The following MTUS2 variants were observed in gnomAD, a reference collection of about 807,000 sequenced individuals.
The protein encoded by MTUS2 is microtubule-associated tumor suppressor candidate 2.
In MTUS2, 40 loss-of-function variants were observed where a neutral mutation model predicts 114.1. The observed-to-expected ratio is 0.35, with a 90% CI of 0.27 to 0.46. The LOEUF (loss-of-function observed/expected upper bound fraction) is 0.46. Among genes scored for constraint, MTUS2 ranks in the 20% least tolerant of loss-of-function variants. The probability of loss-of-function intolerance (pLI) is 1.00; values close to 1 mark genes in which losing one functional copy is unlikely to be tolerated. For missense variants in MTUS2, 1,679 were observed against 1,705.4 expected (o/e 0.98, Z 0.27); for synonymous variants, 688 against 672.0 (o/e 1.02, Z -0.37).
At chr13:29,144,538 A>G (rs1243203190) in intron 5 of MTUS2, among the ~76,000 whole-genome samples, 1 of 151,952 alleles carries the variant, frequency 6.6e-6, no homozygotes, top group Admixed American at 6.6e-5. Context: ...TCAAGAATCC[A>G]TTTTTTATGG....
intron 7 of MTUS2, among the ~76,000 whole-genome samples, chr13:29,353,318 T>C (rs1157165931): frequency 6.6e-6 from 1 of 152,156 alleles, no homozygotes; most frequent in Non-Finnish European, 1.5e-5. Flanking sequence ...TACAGGCACA[T>C]GCCACCACAC....
intron 2 of MTUS2, among the ~76,000 whole-genome samples, chr13:29,002,355 T>A (rs1203169530): frequency 2.0e-5 from 3 of 152,236 alleles, no homozygotes; most frequent in African/African-American, 7.2e-5. Context: ...GTACAGTATA[T>A]GTTTTCTGCT....
intron 7 of MTUS2, among the ~76,000 whole-genome samples, chr13:29,333,661 C>G (rs1313066774): frequency 2.6e-5 from 4 of 152,138 alleles, no homozygotes; most frequent in African/African-American, 9.7e-5. Flanking sequence ...AATGTATATT[C>G]TGTTGATTTG....
intron 4 of MTUS2, among the ~76,000 whole-genome samples, chr13:29,093,158 G>A (rs572993037): frequency 1.3e-5 from 2 of 152,260 alleles, no homozygotes; most frequent in East Asian, 1.9e-4. Flanking sequence ...AAACTATGGA[G>A]TATTGGCTGG....
intron 9 of MTUS2, among the ~76,000 whole-genome samples, chr13:29,443,013 A>G (rs61281018): frequency 0.099 from 15,101 of 152,222 alleles, 1,089 homozygotes; most frequent in African/African-American, 0.21. Context: ...AGCCAATCCC[A>G]GAGTATGCTT....
intron 5 of MTUS2, among the ~76,000 whole-genome samples, chr13:29,226,079 T>C (rs779693701): frequency 6.6e-6 from 1 of 152,194 alleles, no homozygotes; most frequent in East Asian, 1.9e-4. Context: ...GAGTTAATAT[T>C]AGCCTGCATC....
intron 13 of MTUS2, 44 bp downstream of exon 13, chr13:29,497,380 C>T (rs1381233484): frequency 1.2e-5 from 19 of 1,539,284 alleles, no homozygotes; most frequent in Non-Finnish European, 1.6e-5. Flanking sequence ...GGAACCCCGC[C>T]CCAGCAAGGC....
chr13:29,072,840 A>ACAAAGGACCTTGTACAAAG (rs1889004828), intron 4 of MTUS2, among the ~76,000 whole-genome samples: 4 of 152,282 alleles, frequency 2.6e-5, no homozygotes, highest in African/African-American at 4.8e-5. Context: ...GAAAGATATT[A>ACAAAGGACCTTGTACAAAG]GTACAAGGTC....
intron 8 of MTUS2, among the ~76,000 whole-genome samples, chr13:29,410,813 TTTTGTTTGTTTGTTTG>T (rs58667275): frequency 2.7e-5 from 4 of 150,388 alleles, no homozygotes; most frequent in African/African-American, 9.8e-5. Flanking sequence ...ACACTATTGG[TTTTGTTTGTTTGTTTG>T]TTTGTTTGTT....
At chr13:29,158,965 TA>T (rs1168988698) in intron 5 of MTUS2, among the ~76,000 whole-genome samples, 2 of 152,184 alleles carry the variant, frequency 1.3e-5, no homozygotes. Flanking sequence ...GATGGAGCAG[TA>T]ACTTGGAAAC....
At chr13:29,164,449 A>T (rs1893231081) in intron 5 of MTUS2, among the ~76,000 whole-genome samples, 1 of 152,214 alleles carries the variant, frequency 6.6e-6, no homozygotes, top group Non-Finnish European at 1.5e-5. Flanking sequence ...CATAAATCTT[A>T]ATGGTTTCAA....
intron 5 of MTUS2, among the ~76,000 whole-genome samples, chr13:29,171,472 G>C (rs1893560747): frequency 6.6e-6 from 1 of 152,042 alleles, no homozygotes; most frequent in African/African-American, 2.4e-5. Context: ...AGATGAGATG[G>C]GTCAGACAGG....
At chr13:29,271,724 T>A (rs1897888669) in intron 5 of MTUS2, among the ~76,000 whole-genome samples, 1 of 152,218 alleles carries the variant, frequency 6.6e-6, no homozygotes, top group African/African-American at 2.4e-5. Flanking sequence ...TTACTGTATC[T>A]TTCCTGAATT....
intron 5 of MTUS2, among the ~76,000 whole-genome samples, chr13:29,166,759 C>T (rs1893332430): frequency 6.6e-6 from 1 of 152,062 alleles, no homozygotes; most frequent in African/African-American, 2.4e-5. Context: ...TAAATACTTG[C>T]CAGGTCAGTA....
chr13:29,367,773 T>C (rs1303856285), intron 8 of MTUS2, among the ~76,000 whole-genome samples: 1 of 144,560 alleles, frequency 6.9e-6, no homozygotes, highest in Non-Finnish European at 1.5e-5. Flanking sequence ...AACCTAGGAA[T>C]TATGTGCATA....
intron 5 of MTUS2, among the ~76,000 whole-genome samples, chr13:29,213,534 G>A (rs1406022428): frequency 6.6e-6 from 1 of 152,104 alleles, no homozygotes; most frequent in Non-Finnish European, 1.5e-5. Flanking sequence ...GGTATATAAA[G>A]TTTTAGTTTT....
intron 2 of MTUS2, among the ~76,000 whole-genome samples, chr13:28,843,474 G>A (rs1435765341): frequency 6.6e-6 from 1 of 151,900 alleles, no homozygotes; most frequent in Non-Finnish European, 1.5e-5. Flanking sequence ...TTTTTCCTTA[G>A]GCAGAAAACA....
chr13:29,437,042 C>T (rs940559965), intron 8 of MTUS2, among the ~76,000 whole-genome samples: 1 of 152,190 alleles, frequency 6.6e-6, no homozygotes, highest in Non-Finnish European at 1.5e-5. Flanking sequence ...TCCTTCCCCA[C>T]AGGCCTGATT....
chr13:29,200,733 T>C (rs187664235), intron 5 of MTUS2, among the ~76,000 whole-genome samples: 196 of 152,176 alleles, frequency 1.3e-3, no homozygotes, highest in Non-Finnish European at 2.4e-3. Context: ...TTGGTCAGGC[T>C]GGTCTCGAAT....
Sources: allele counts gnomAD v4.1 joint callset (sites outside exome capture counted in the v4.1 genomes callset), GRCh38; gene constraint gnomAD v4.1.1; transcripts MANE v1.5; gene names NCBI Gene and HGNC (gene_info 2026-07-23, HGNC 2026-07-21).